Variants in ARHGAP39 observed in about 807,000 individuals in gnomAD.
ARHGAP39 encodes the protein Rho GTPase activating protein 39.
A neutral mutation model predicts 106.9 loss-of-function variants in ARHGAP39; 44 were observed. The ratio of observed to expected loss-of-function variants is 0.41; its 90% CI spans 0.32 to 0.53. The LOEUF (loss-of-function observed/expected upper bound fraction) is 0.53, where lower values mean the gene tolerates loss of function less well. Ranked by LOEUF, ARHGAP39 falls within the 20% of genes least tolerant of loss-of-function variation. The pLI is 0.21. For synonymous variants in ARHGAP39, 768 were observed against 693.2 expected (o/e 1.11, Z -1.69); for missense variants, 1,496 against 1,577.3 (o/e 0.95, Z 0.87).
chr8:144,534,232 A>G lies in ARHGAP39; in HGVS notation c.2615-30T>C, dbSNP rs2721178. 9.8e-3 allele frequency: 15,727 copies of G among 1,610,234 alleles called. 1,115 individuals are homozygous for G. The African/African-American group carries it at 0.17, about 17-fold the overall frequency. ...AAAGGAAAGGGGCCTGATCAGCCTGATGTGGGTGTGTGGGTGTGGGGCCAG... is the reference window on the plus strand; with the variant it reads ...AAAGGAAAGGGGCCTGATCAGCCTGGTGTGGGTGTGTGGGTGTGGGGCCAG... On this transcript the variant is annotated intron_variant, in intron 7 of 11. Transcript: ENST00000377307.
chr8:144,696,150 T>A, the ARHGAP39 span, among the ~76,000 whole-genome samples: 1 of 148,298 alleles, frequency 6.7e-6, no homozygotes, highest in Non-Finnish European at 1.5e-5. Context: ...CCAGTTAAAT[T>A]TTTTTTTTAA....
chr8:144,637,868 T>C (rs1286489316), intron 1 of ARHGAP39, among the ~76,000 whole-genome samples: 6 of 151,534 alleles, frequency 4.0e-5, no homozygotes, highest in Non-Finnish European at 7.4e-5. Context: ...TTCTTTCTTT[T>C]TTTTTTTTTT....
At chr8:144,606,580 G>A (rs1820298396) in intron 1 of ARHGAP39, among the ~76,000 whole-genome samples, 1 of 152,176 alleles carries the variant, frequency 6.6e-6, no homozygotes, top group Non-Finnish European at 1.5e-5. Flanking sequence ...TCAACAGCAG[G>A]CTGTTTGTAG....
intron 4 of ARHGAP39, among the ~76,000 whole-genome samples, chr8:144,550,476 T>C (rs1817650835): frequency 6.6e-6 from 1 of 152,180 alleles, no homozygotes; most frequent in Non-Finnish European, 1.5e-5. Context: ...CCACACATTT[T>C]ATAAGCCAGT....
At chr8:144,599,060 A>G (rs1410842054) in intron 2 of ARHGAP39, among the ~76,000 whole-genome samples, 2 of 152,178 alleles carry the variant, frequency 1.3e-5, no homozygotes, top group Non-Finnish European at 2.9e-5. Flanking sequence ...CTGCCCACAC[A>G]TCTGACAGCA....
At chr8:144,531,034 G>A (rs973665177) in intron 10 of ARHGAP39, among the ~76,000 whole-genome samples, 163 bp from the exon 11 acceptor site, 2 of 152,244 alleles carry the variant, frequency 1.3e-5, no homozygotes, top group Non-Finnish European at 2.9e-5. Context: ...CCTGACCCCA[G>A]AGGGCCTTTC....
chr8:144,669,196 T>C (rs1344241185), intron 1 of ARHGAP39, among the ~76,000 whole-genome samples: 1 of 19,492 alleles, frequency 5.1e-5, no homozygotes, highest in Non-Finnish European at 1.2e-4. Flanking sequence ...CAAAATGATA[T>C]AAAGCAATGT....
intron 1 of ARHGAP39, among the ~76,000 whole-genome samples, chr8:144,621,618 A>G (rs1270391074): frequency 3.3e-5 from 5 of 152,198 alleles, no homozygotes; most frequent in Admixed American, 3.3e-4. Context: ...GAAGTTCAAG[A>G]CCAGCCTGCG....
At chr8:144,590,630 G>A (rs1235309376) in intron 2 of ARHGAP39, among the ~76,000 whole-genome samples, 2 of 152,166 alleles carry the variant, frequency 1.3e-5, no homozygotes, top group African/African-American at 4.8e-5. Context: ...ACAGCAATGT[G>A]AGAACGGCCT....
intron 1 of ARHGAP39, among the ~76,000 whole-genome samples, chr8:144,650,455 T>A (rs1821546422): frequency 6.6e-6 from 1 of 151,828 alleles, no homozygotes; most frequent in Non-Finnish European, 1.5e-5. Flanking sequence ...CAACAAAAAA[T>A]ATATATATTC....
Position 144,547,255 on chromosome 8 carries a change from G to A in ARHGAP39, c.1831C>T (p.Gln611Ter), listed in dbSNP as rs1045146610. The A allele has an allele frequency of 6.2e-7, 1 of 1,612,560 alleles. No individual in the cohort carries two copies. Among genetic ancestry groups the A allele is most frequent in the Non-Finnish European group, 8.5e-7 (1 of 1,179,776 alleles). ...CTCCTCCAGTGCCTGTTCTCCTGCT[G>A]GGCCAGCGCCTCGTCCTCGCTGAAG... ...RAFSEDEALA[Q>*]QENRHWRRGT... The change falls in exon 5 of 12, where the codon CAG (glutamine) becomes TAG (stop). Residue 611 changes from glutamine (Q) to a stop codon, truncating the protein, a stop_gained. Coordinates refer to ENST00000377307, the MANE Select transcript of ARHGAP39 (RefSeq NM_025251.3). LOFTEE classifies it high-confidence loss of function. This position sits in a 1 kb window ranked among gnomAD's most constrained non-coding sequence, Gnocchi z 5.2.
At chr8:144,535,055 G>T (rs1468667921) in intron 7 of ARHGAP39, among the ~76,000 whole-genome samples, 2 of 152,230 alleles carry the variant, frequency 1.3e-5, no homozygotes, top group Non-Finnish European at 2.9e-5. Flanking sequence ...CGGACAGATG[G>T]ACAGGACCCT....
At chr8:144,649,588 G>A (rs1286699817) in intron 1 of ARHGAP39, among the ~76,000 whole-genome samples, 5 of 151,858 alleles carry the variant, frequency 3.3e-5, no homozygotes, top group African/African-American at 1.2e-4. Flanking sequence ...TGGTCAATGT[G>A]GTAAAACCCC....
At chr8:144,695,824 A>C in the ARHGAP39 span, among the ~76,000 whole-genome samples, 3 of 152,212 alleles carry the variant, frequency 2.0e-5, no homozygotes, top group Admixed American at 6.5e-5. Flanking sequence ...TCAATGGGAC[A>C]AATTCTTGGG....
chr8:144,545,313 G>A lies in ARHGAP39; in HGVS notation c.2457C>T (p.Pro819=), dbSNP rs2130837917. The A allele has an allele frequency of 6.3e-7, 1 of 1,590,304 alleles. No homozygotes were observed. The highest frequency in any genetic ancestry group is 8.6e-7 in the Non-Finnish European group (1 of 1,164,046). ...AICLAFFPPT[P]KFHSYLEGYI... is the part of the protein sequence containing the mutation. ...AGCCTTCCAGGTAGGAGTGGAACTT[G>A]GGGGTGGGCGGGAAAAAGGCCAGGC... The change falls in exon 6 of 12, where the codon CCC becomes CCT. Residue 819 remains proline, a synonymous_variant. Coordinates refer to ENST00000377307, the MANE Select transcript of ARHGAP39 (RefSeq NM_025251.3).
chr8:144,589,063 C>T (rs1466765718), intron 2 of ARHGAP39, among the ~76,000 whole-genome samples: 2 of 152,158 alleles, frequency 1.3e-5, no homozygotes, highest in African/African-American at 4.8e-5. Flanking sequence ...GGTGTGGATT[C>T]CGTTAGTAAC....
rs1817474817 is a variant in ARHGAP39 at position 144,547,302 on chromosome 8, A to T, written c.1784T>A (p.Met595Lys). Reference protein sequence around the residue: ...YESDGALPLPMPGPVVRAFSE... With the variant: ...YESDGALPLPKPGPVVRAFSE... ...GAAGGCCCGCACCACCGGCCCGGGC[A>T]TGGGCAGTGGCAGGGCGCCGTCGCT... is the stretch of plus-strand genomic sequence containing the variant. The change falls in exon 5 of 12, where the codon ATG becomes AAG. Residue 595 changes from methionine (M) to lysine (K), a missense_variant. Physicochemically the swap from Met to Lys is moderately conservative, Grantham distance 95. This residue lies in a region of ARHGAP39 where 905 missense variants were observed against 816.4 expected (regional missense o/e 1.11). Transcript: ENST00000377307. This position sits in a 1 kb window ranked among gnomAD's most constrained non-coding sequence, Gnocchi z 5.2. The T allele has an allele frequency of 1.2e-6, 2 of 1,611,614 alleles. No individual in the cohort carries two copies. The highest frequency in any genetic ancestry group is 1.3e-5 in the African/African-American group (1 of 74,908).
Position 144,604,214 on chromosome 8 carries a change from G to C in ARHGAP39, c.80+1321C>G, listed in dbSNP as rs751307764. On this transcript the variant is annotated intron_variant, in intron 2 of 11. Coordinates refer to ENST00000377307, the MANE Select transcript of ARHGAP39 (RefSeq NM_025251.3). The surrounding 1 kb of genome is among the most constrained non-coding windows in gnomAD (Gnocchi z 4.1). The stretch of plus-strand genomic sequence containing the variant: ...GCCGGGAGGCAGCAGCTGCACCTCG[G>C]GGGGTGCGGGCGAGGCCTCTGTCGG... Among the ~76,000 whole-genome samples the C allele has an allele frequency of 1.2e-4, 19 of 152,130 alleles. No homozygotes were observed. Among genetic ancestry groups the C allele is most frequent in the Non-Finnish European group, 2.5e-4 (17 of 68,024 alleles).
chr8:144,698,949 T>G, the ARHGAP39 span: 2 of 447,732 alleles, frequency 4.5e-6, no homozygotes, highest in Non-Finnish European at 9.0e-6. Context: ...TCCCACGGCC[T>G]GCAACCCCAG....
Sources: allele counts gnomAD v4.1 joint callset (sites outside exome capture counted in the v4.1 genomes callset), GRCh38; gene constraint gnomAD v4.1.1; regional missense constraint gnomAD v4.1.1; non-coding constraint Gnocchi (gnomAD v3.1); transcripts MANE v1.5; gene names NCBI Gene and HGNC (gene_info 2026-07-23, HGNC 2026-07-21).